TMEM45A: variants seen among roughly 807,000 people sequenced by gnomAD.
The protein encoded by TMEM45A is DNA polymerase-transactivated protein 4.
In TMEM45A, 25 loss-of-function variants were observed where a neutral mutation model predicts 32.0. The ratio of observed to expected loss-of-function variants is 0.78; its 90% CI spans 0.57 to 1.09. TMEM45A has a LOEUF of 1.09. TMEM45A is among the 50% of genes least tolerant of loss of function. The probability of loss-of-function intolerance (pLI) is 0.00; values close to 1 mark genes in which losing one functional copy is unlikely to be tolerated. For synonymous variants in TMEM45A, 122 were observed against 114.8 expected, an observed-to-expected ratio of 1.06 and a Z score of -0.40; for missense variants, 302 against 325.0, an observed-to-expected ratio of 0.93 and a Z score of 0.54.
chr3:100,513,584 C>G (rs1317288264), intron 1 of TMEM45A, among the ~76,000 whole-genome samples: 4 of 150,624 alleles, frequency 2.7e-5, no homozygotes, highest in Non-Finnish European at 2.9e-5. Flanking sequence ...GATGCCCTCT[C>G]TCACCACTCC....
Position 100,546,548 on chromosome 3 carries a change from T to C in TMEM45A, c.-3-8661T>C, listed in dbSNP as rs180732853. On this transcript the variant is annotated intron_variant, in intron 1 of 5. Transcript: ENST00000323523. ...ATCAGTGTGATGCTTATCACTAGCA[T>C]CTAGACCTTTGTCAATCCATGACAA... Among the ~76,000 whole-genome samples, 496 of 152,342 alleles carry C rather than the reference T, an allele frequency of 3.3e-3. 3 individuals are homozygous for C. Among genetic ancestry groups the C allele is most frequent in the African/African-American group, 0.011 (475 of 41,576 alleles).
intron 1 of TMEM45A, among the ~76,000 whole-genome samples, chr3:100,508,856 A>G (rs1037016174): frequency 6.6e-6 from 1 of 152,150 alleles, no homozygotes; most frequent in Non-Finnish European, 1.5e-5. Context: ...ACCTGAAACT[A>G]TAAAACTACT....
intron 1 of TMEM45A, among the ~76,000 whole-genome samples, chr3:100,546,580 G>A (rs74718998): frequency 0.01 from 1,540 of 152,294 alleles, 25 homozygotes; most frequent in African/African-American, 0.036. Context: ...ACAAATGAAT[G>A]ACAAAGACCA....
intron 1 of TMEM45A, among the ~76,000 whole-genome samples, chr3:100,500,472 A>G (rs778465592): frequency 2.6e-4 from 39 of 152,190 alleles, no homozygotes; most frequent in Non-Finnish European, 5.0e-4. Context: ...CATTTGTTGA[A>G]CGAGGCCTGT....
At chr3:100,521,433 A>G (rs942114407) in intron 1 of TMEM45A, among the ~76,000 whole-genome samples, 1 of 152,024 alleles carries the variant, frequency 6.6e-6, no homozygotes, top group Admixed American at 6.6e-5. Flanking sequence ...TTGTATTTTT[A>G]GTAGAGATGG....
chr3:100,499,791 A>T (rs1446785430), intron 1 of TMEM45A, among the ~76,000 whole-genome samples: 5 of 152,152 alleles, frequency 3.3e-5, no homozygotes, highest in African/African-American at 1.2e-4. Flanking sequence ...CAGGAGAATC[A>T]TTTGAGCCTG....
At chr3:100,554,274 C>A (rs1281229197) in intron 1 of TMEM45A, among the ~76,000 whole-genome samples, 4 of 151,702 alleles carry the variant, frequency 2.6e-5, no homozygotes, top group African/African-American at 9.7e-5. Flanking sequence ...ACAAAGTTTG[C>A]AATTTGATTT....
At chr3:100,567,518 C>CAAAAAAAAAAAAA (rs780009246) in intron 4 of TMEM45A, among the ~76,000 whole-genome samples, 2 of 63,494 alleles carry the variant, frequency 3.1e-5, no homozygotes, top group Non-Finnish European at 6.0e-5. Context: ...ACCATTTCTG[C>CAAAAAAAAAAAAA]AAAAAAAAAA....
chr3:100,495,929 T>A (rs1282092952), intron 1 of TMEM45A, among the ~76,000 whole-genome samples: 1 of 152,248 alleles, frequency 6.6e-6, no homozygotes, highest in Non-Finnish European at 1.5e-5. Context: ...CTCATCCTGC[T>A]GATAGAATCA....
intron 5 of TMEM45A, among the ~76,000 whole-genome samples, chr3:100,575,363 C>CTCTTTTTTTTTTTTTTTTTTTTTTTTTT: frequency 1.6e-5 from 1 of 62,762 alleles, no homozygotes; most frequent in African/African-American, 5.4e-5. Flanking sequence ...TATGGATTCT[C>CTCTTTTTTTTTTTTTTTTTTTTTTTTTT]TTTTTTTTTT....
intron 4 of TMEM45A, among the ~76,000 whole-genome samples, chr3:100,566,759 T>A (rs1221187895): frequency 6.6e-6 from 1 of 152,200 alleles, no homozygotes; most frequent in Non-Finnish European, 1.5e-5. Flanking sequence ...ATGATATCCA[T>A]AATCTTTTCA....
chr3:100,551,453 C>T (rs1405123167), intron 1 of TMEM45A, among the ~76,000 whole-genome samples: 2 of 152,126 alleles, frequency 1.3e-5, no homozygotes, highest in Non-Finnish European at 2.9e-5. Context: ...GCGAGGAAAG[C>T]CCCGTGGTCT....
chr3:100,574,249 C>T (rs1260502743), intron 5 of TMEM45A: 4 of 151,946 alleles, frequency 2.6e-5, no homozygotes, highest in African/African-American at 9.7e-5. Context: ...TGATAGACTG[C>T]TAGCAAGACT....
At chr3:100,494,831 T>A (rs1707899181) in intron 1 of TMEM45A, among the ~76,000 whole-genome samples, 1 of 152,270 alleles carries the variant, frequency 6.6e-6, no homozygotes, top group Admixed American at 6.5e-5. Context: ...TCAGCCCCCC[T>A]GTGCCTCAGC....
chr3:100,515,627 A>C (rs1708249497), intron 1 of TMEM45A, among the ~76,000 whole-genome samples: 1 of 121,098 alleles, frequency 8.3e-6, no homozygotes. Context: ...TTAAAGTATA[A>C]TAATAAAAAA....
chr3:100,565,342 A>T (rs1321633596), intron 4 of TMEM45A, among the ~76,000 whole-genome samples: 1 of 152,244 alleles, frequency 6.6e-6, no homozygotes, highest in Non-Finnish European at 1.5e-5. Flanking sequence ...CTTTCCAATT[A>T]AAGGGAATCC....
chr3:100,534,379 G>A (rs527755168), intron 1 of TMEM45A, among the ~76,000 whole-genome samples: 1 of 152,300 alleles, frequency 6.6e-6, no homozygotes, highest in East Asian at 1.9e-4. Context: ...GTTCTCATAA[G>A]GAGGGAGGCA....
intron 1 of TMEM45A, among the ~76,000 whole-genome samples, chr3:100,494,657 T>C (rs1200844762): frequency 6.6e-6 from 1 of 152,178 alleles, no homozygotes; most frequent in Admixed American, 6.5e-5. Flanking sequence ...CTAAGTGTGT[T>C]TTTGATTCAG....
At chr3:100,562,241 T>G (rs1433279690) in intron 4 of TMEM45A, among the ~76,000 whole-genome samples, 1 of 152,036 alleles carries the variant, frequency 6.6e-6, no homozygotes, top group Admixed American at 6.6e-5. Flanking sequence ...TGGAATTTTA[T>G]ATAAGGAAAT....
Sources: gnomAD v4.1 joint callset for allele counts (sites outside exome capture counted in the v4.1 genomes callset) on GRCh38, gnomAD v4.1.1 for gene constraint, MANE v1.5 for transcripts, NCBI Gene and HGNC (gene_info 2026-07-23, HGNC 2026-07-21) for gene names.